The following COL26A1 variants were observed in gnomAD, a reference collection of about 807,000 sequenced individuals.
COL26A1 encodes the protein collagen alpha-1(XXVI) chain.
Under a neutral mutation model 59.3 loss-of-function variants are expected in COL26A1, and 41 were observed. The ratio of observed to expected loss-of-function variants is 0.69; its 90% confidence interval spans 0.54 to 0.90. COL26A1 has a LOEUF of 0.90. Ranked by LOEUF, COL26A1 falls within the 40% of genes least tolerant of loss-of-function variation. The pLI, the probability that COL26A1 is intolerant of heterozygous loss-of-function variation, is 0.00. For synonymous variants in COL26A1, 266 were observed against 256.0 expected, an observed-to-expected ratio of 1.04 and a Z score of -0.37; for missense variants, 612 against 602.3, an observed-to-expected ratio of 1.02 and a Z score of -0.17.
At chr7:101,470,246 C>G (rs1000139016) in intron 3 of COL26A1, among the ~76,000 whole-genome samples, 1 of 151,750 alleles carries the variant, frequency 6.6e-6, no homozygotes, top group Non-Finnish European at 1.5e-5. Context: ...ATTACAGGCG[C>G]GCACCGCCAT....
intron 1 of COL26A1, among the ~76,000 whole-genome samples, chr7:101,368,909 G>GTGATTTTTTT (rs1249237632): frequency 6.6e-6 from 1 of 151,198 alleles, no homozygotes; most frequent in Non-Finnish European, 1.5e-5. Flanking sequence ...TCAAAATCTG[G>GTGATTTTTTT]CTCTTTCCAA....
chr7:101,368,001 T>C (rs1791091199), intron 1 of COL26A1, among the ~76,000 whole-genome samples: 1 of 152,192 alleles, frequency 6.6e-6, no homozygotes, highest in South Asian at 2.1e-4. Context: ...CCCTTCTTTT[T>C]GTTGCAATTT....
At chr7:101,404,890 A>AC (rs1792091352) in intron 1 of COL26A1, among the ~76,000 whole-genome samples, 1 of 149,456 alleles carries the variant, frequency 6.7e-6, no homozygotes, top group South Asian at 2.1e-4. Flanking sequence ...TCACAGAGTG[A>AC]GATTTTGTCT....
chr7:101,444,778 G>A (rs1793146500), intron 2 of COL26A1, among the ~76,000 whole-genome samples: 1 of 151,824 alleles, frequency 6.6e-6, no homozygotes, highest in Admixed American at 6.6e-5. Flanking sequence ...CTCACAGGTG[G>A]CCACACTTGG....
rs544352113 is a variant in COL26A1 at position 101,531,880 on chromosome 7, C to T, written c.386-1202C>T. Among the ~76,000 whole-genome samples, 10 of 152,124 alleles carry T rather than the reference C, an allele frequency of 6.6e-5. No individual in the cohort carries two copies. The East Asian group carries it at 7.7e-4, about 12-fold the overall frequency. ...GGGGAGGCTGACAGTGTCGGGGGGC[C>T]GTGGACTGTGCGTGTGGGCTGCAGT... On this transcript the variant is annotated intron_variant, in intron 3 of 12. Transcript: ENST00000313669.
chr7:101,442,893 G>C (rs564056878), intron 2 of COL26A1, among the ~76,000 whole-genome samples: 217 of 152,272 alleles, frequency 1.4e-3, no homozygotes, highest in African/African-American at 4.5e-3. Context: ...GAGTGTGCAA[G>C]CACGAGTGTG....
intron 3 of COL26A1, among the ~76,000 whole-genome samples, chr7:101,451,100 A>G (rs993211259): frequency 5.8e-4 from 62 of 106,416 alleles, no homozygotes; most frequent in African/African-American, 1.7e-3. Context: ...GAAATATATG[A>G]TACGTATTAT....
At chr7:101,553,454 G>C in intron 11 of COL26A1, 78 bp downstream of exon 11, 2 of 1,436,676 alleles carry the variant, frequency 1.4e-6, no homozygotes, top group East Asian at 4.6e-5. Flanking sequence ...GTGCCCCACA[G>C]ATCTGCGCTG....
intron 1 of COL26A1, among the ~76,000 whole-genome samples, chr7:101,396,367 C>T (rs1400002111): frequency 1.3e-5 from 2 of 152,158 alleles, no homozygotes; most frequent in Admixed American, 6.6e-5. Flanking sequence ...TTTGTCTCTT[C>T]CTAGTCTACT....
chr7:101,551,330 C>A (rs373928483), intron 10 of COL26A1, among the ~76,000 whole-genome samples, 187 bp downstream of exon 10: 3 of 152,158 alleles, frequency 2.0e-5, no homozygotes, highest in African/African-American at 7.2e-5. Flanking sequence ...AGGAGGGAAG[C>A]GACCTCCAGA....
intron 1 of COL26A1, among the ~76,000 whole-genome samples, chr7:101,387,607 C>A (rs1791607308): frequency 6.9e-6 from 1 of 145,446 alleles, no homozygotes; most frequent in Non-Finnish European, 1.5e-5. Flanking sequence ...GGCTGGAGTG[C>A]AGTGTGAAGC....
At chr7:101,507,040 G>A (rs1397843365) in intron 3 of COL26A1, among the ~76,000 whole-genome samples, 1 of 151,852 alleles carries the variant, frequency 6.6e-6, no homozygotes. Context: ...TCAGCCTCCC[G>A]AGTAGCTGGG....
chr7:101,492,441 A>G (rs1794481313), intron 3 of COL26A1, among the ~76,000 whole-genome samples: 1 of 152,066 alleles, frequency 6.6e-6, no homozygotes, highest in South Asian at 2.1e-4. Flanking sequence ...TCATGCCTGT[A>G]ATCTCAGCAC....
At chr7:101,364,926 T>C (rs950515) in intron 1 of COL26A1, among the ~76,000 whole-genome samples, 88,228 of 152,086 alleles carry the variant, frequency 0.58, 27,173 homozygotes, top group African/African-American at 0.8. Flanking sequence ...AGACAGCTCC[T>C]AGTTCTTTTT....
chr7:101,367,438 G>C (rs1297682068), intron 1 of COL26A1, among the ~76,000 whole-genome samples: 1 of 152,144 alleles, frequency 6.6e-6, no homozygotes, highest in Non-Finnish European at 1.5e-5. Flanking sequence ...GCCCAGGTGG[G>C]TGGATCACCT....
chr7:101,489,716 TC>T lies in COL26A1; in HGVS notation c.385+41930del, dbSNP rs1482504753. ...TTCTTTCTGTCTTTCTTTCTTTCATTCTTTCTTTCTCTCTCTCTTTCTCTCT... is the reference window on the plus strand; with the variant it reads ...TTCTTTCTGTCTTTCTTTCTTTCATTTTTCTTTCTCTCTCTCTTTCTCTCT... On this transcript the variant is annotated intron_variant, in intron 3 of 12. Coordinates refer to ENST00000313669, the MANE Select transcript of COL26A1 (RefSeq NM_001278563.3). Among the ~76,000 whole-genome samples the T allele has an allele frequency of 7.3e-5, 8 of 108,892 alleles. 2 individuals are homozygous for T. The highest frequency in any genetic ancestry group is 7.8e-3 in the Middle Eastern group (2 of 258). The allele number at this position is 108,892 out of a possible 152,430, so 71.4% of individuals were successfully genotyped here.
rs1304839639 is a variant in COL26A1 at position 101,387,770 on chromosome 7, A to ATTTTTTTTTTT, written c.158+24581_158+24582insTTTTTTTTTTT. On this transcript the variant is annotated intron_variant, in intron 1 of 12. Coordinates refer to ENST00000313669, the MANE Select transcript of COL26A1 (RefSeq NM_001278563.3). The stretch of plus-strand genomic sequence containing the variant: ...TATATATATTTATATATATATATAT[A>ATTTTTTTTTTT]TATATATATTTTTTTTTAAGACAGA... Among the ~76,000 whole-genome samples the ATTTTTTTTTTT allele has an allele frequency of 3.6e-4, 13 of 36,536 alleles. 1 individual carries two copies. The highest frequency in any genetic ancestry group is 7.9e-4 in the Non-Finnish European group (13 of 16,490). The allele number at this position is 36,536 out of a possible 152,430, so 24.0% of individuals were successfully genotyped here.
intron 3 of COL26A1, among the ~76,000 whole-genome samples, chr7:101,471,571 G>GTTTT (rs71517177): frequency 2.2e-4 from 20 of 93,014 alleles, no homozygotes; most frequent in African/African-American, 5.5e-4. Flanking sequence ...GTTGTTGTTT[G>GTTTT]TTTTTTTTTT....
intron 1 of COL26A1, among the ~76,000 whole-genome samples, chr7:101,407,919 AC>A (rs1792165970): frequency 6.6e-6 from 1 of 152,304 alleles, no homozygotes; most frequent in Admixed American, 6.5e-5. Context: ...TAATTTGCAT[AC>A]CATTAAGATG....
Sources: gnomAD v4.1 joint callset for allele counts (sites outside exome capture counted in the v4.1 genomes callset) on GRCh38, gnomAD v4.1.1 for gene constraint, MANE v1.5 for transcripts, NCBI Gene and HGNC (gene_info 2026-07-23, HGNC 2026-07-21) for gene names.